RNF11: variants seen among roughly 807,000 people sequenced by gnomAD.
RNF11 encodes ring finger protein 11.
RNF11 carries 4 observed loss-of-function variants against 15.8 expected under a neutral mutation model. That is an observed-to-expected ratio of 0.25 (90% CI 0.12 to 0.58). The LOEUF (loss-of-function observed/expected upper bound fraction) is 0.58. RNF11 is among the 20% of genes least tolerant of loss of function. RNF11 has a pLI of 0.91. For synonymous variants in RNF11, 68 were observed against 72.3 expected (o/e 0.94, Z 0.30); for missense variants, 139 against 194.4 (o/e 0.71, Z 1.70).
At chr1:51,266,852 C>A (rs1191275885) in intron 1 of RNF11, among the ~76,000 whole-genome samples, 2 of 152,164 alleles carry the variant, frequency 1.3e-5, no homozygotes, top group African/African-American at 4.8e-5. Flanking sequence ...TTAGGTTATT[C>A]AGTTATATAA....
At chr1:51,263,231 T>C (rs1192110627) in intron 1 of RNF11, among the ~76,000 whole-genome samples, 1 of 152,244 alleles carries the variant, frequency 6.6e-6, no homozygotes, top group African/African-American at 2.4e-5. Flanking sequence ...TTCATAACAC[T>C]GTTATTCACA....
chr1:51,247,615 G>A (rs1210660406), intron 1 of RNF11, among the ~76,000 whole-genome samples: 1 of 152,026 alleles, frequency 6.6e-6, no homozygotes, highest in Non-Finnish European at 1.5e-5. Flanking sequence ...AAGTGATAAG[G>A]GAGAAGTAAA....
At chr1:51,253,210 G>C (rs1028872585) in intron 1 of RNF11, among the ~76,000 whole-genome samples, 1 of 152,048 alleles carries the variant, frequency 6.6e-6, no homozygotes, top group African/African-American at 2.4e-5. Flanking sequence ...AAAAAGAATG[G>C]TAATTGTTCT....
intron 1 of RNF11, among the ~76,000 whole-genome samples, chr1:51,257,772 A>G (rs1488356584): frequency 6.7e-6 from 1 of 148,566 alleles, no homozygotes; most frequent in Non-Finnish European, 1.5e-5. Flanking sequence ...CTTTTTAATA[A>G]TAGCCATTCT....
At chr1:51,245,832 A>G (rs1325846754) in intron 1 of RNF11, among the ~76,000 whole-genome samples, 2 of 152,252 alleles carry the variant, frequency 1.3e-5, no homozygotes, top group East Asian at 1.9e-4. Flanking sequence ...GGAAGGTAAT[A>G]CATAAAAGAC....
At chr1:51,254,410 G>T (rs776486546) in intron 1 of RNF11, among the ~76,000 whole-genome samples, 1 of 152,070 alleles carries the variant, frequency 6.6e-6, no homozygotes, top group Non-Finnish European at 1.5e-5. Context: ...TCAGCCTCCC[G>T]AGTAGCTGGG....
Position 51,236,711 on chromosome 1 carries a change from A to AC in RNF11, c.-44dup. On this transcript the variant is annotated 5_prime_UTR_variant, in exon 1 of 3. Coordinates refer to ENST00000242719, the MANE Select transcript of RNF11 (RefSeq NM_014372.5). ...GACCGCGGAGTGTGCGAACGACCCC[A>AC]CCGCTGCTTTCTCCTCCCCCAGATC... 1 of 1,605,304 alleles carries AC rather than the reference A, an allele frequency of 6.2e-7. No individual in the cohort carries two copies.
intron 1 of RNF11, chr1:51,251,411 A>G: frequency 7.7e-7 from 1 of 1,300,772 alleles, no homozygotes; most frequent in Non-Finnish European, 1.1e-6. Flanking sequence ...CGCGGAAGCC[A>G]CCGCAGTTCC....
intron 1 of RNF11, among the ~76,000 whole-genome samples, chr1:51,266,508 G>A (rs1453754876): frequency 6.6e-6 from 1 of 151,382 alleles, no homozygotes; most frequent in Admixed American, 6.6e-5. Flanking sequence ...TTGTCACCCA[G>A]TCTGGAGTGT....
intron 1 of RNF11, among the ~76,000 whole-genome samples, chr1:51,252,311 A>G (rs1646883573): frequency 6.6e-6 from 1 of 152,100 alleles, no homozygotes; most frequent in South Asian, 2.1e-4. Context: ...TGGGAAGTCA[A>G]AGTTTAGGCC....
At chr1:51,251,350 G>A (rs954165750) in intron 1 of RNF11, 277 of 1,514,638 alleles carry the variant, frequency 1.8e-4, no homozygotes, top group Non-Finnish European at 2.4e-4. Flanking sequence ...CCTCGGCCCC[G>A]GCCCCGTCTA....
intron 1 of RNF11, among the ~76,000 whole-genome samples, chr1:51,237,282 A>G (rs1646808396): frequency 6.6e-6 from 1 of 151,154 alleles, no homozygotes; most frequent in South Asian, 2.1e-4. Flanking sequence ...CGCCCCATTT[A>G]TGTTTTCATG....
At chr1:51,251,080 TGTA>T (rs1646875384) in intron 1 of RNF11, 1 of 1,550,722 alleles carries the variant, frequency 6.4e-7, no homozygotes, top group Admixed American at 1.7e-5. Context: ...ACGTGGCCAT[TGTA>T]GTCCCCGATA....
At chr1:51,247,300 C>G (rs905016907) in intron 1 of RNF11, among the ~76,000 whole-genome samples, 17 of 152,072 alleles carry the variant, frequency 1.1e-4, no homozygotes. Context: ...ACTACAGCCG[C>G]AAACTCTTGA....
At chr1:51,244,633 C>T (rs1192271003) in intron 1 of RNF11, among the ~76,000 whole-genome samples, 1 of 152,142 alleles carries the variant, frequency 6.6e-6, no homozygotes, top group African/African-American at 2.4e-5. Context: ...CTCGGCCTCC[C>T]AAAGTGCTGG....
chr1:51,238,502 C>G (rs1195792165), intron 1 of RNF11, among the ~76,000 whole-genome samples: 1 of 152,168 alleles, frequency 6.6e-6, no homozygotes, highest in Non-Finnish European at 1.5e-5. Context: ...CGCTCAGTTT[C>G]TGGCACATAA....
intron 1 of RNF11, among the ~76,000 whole-genome samples, chr1:51,256,068 G>A (rs1646902867): frequency 6.6e-6 from 1 of 151,998 alleles, no homozygotes; most frequent in South Asian, 2.1e-4. Context: ...AATATTCAAC[G>A]ATTGCCAAAA....
intron 1 of RNF11, chr1:51,251,301 C>A: frequency 6.7e-7 from 1 of 1,486,632 alleles, no homozygotes; most frequent in Non-Finnish European, 9.2e-7. Flanking sequence ...GACGGGCATC[C>A]ACTCCTTATC....
intron 1 of RNF11, among the ~76,000 whole-genome samples, chr1:51,239,521 A>G (rs1300267163): frequency 6.6e-6 from 1 of 152,142 alleles, no homozygotes; most frequent in Non-Finnish European, 1.5e-5. Context: ...TGTCTTAGGA[A>G]TGGTTATTTT....
Sources: gnomAD v4.1 joint callset for allele counts (sites outside exome capture counted in the v4.1 genomes callset) on GRCh38, gnomAD v4.1.1 for gene constraint, MANE v1.5 for transcripts, NCBI Gene and HGNC (gene_info 2026-07-23, HGNC 2026-07-21) for gene names.